The following MACROD2 variants were observed in gnomAD, a reference collection of about 807,000 sequenced individuals.
The protein encoded by MACROD2 is ADP-ribose glycohydrolase MACROD2.
Under a neutral mutation model 70.4 loss-of-function variants are expected in MACROD2, and 36 were observed. The observed-to-expected ratio is 0.51, with a 90% CI of 0.39 to 0.68. The LOEUF is 0.68. MACROD2 is among the 30% of genes least tolerant of loss of function. The probability of loss-of-function intolerance (pLI) is 0.00; values close to 1 mark genes in which losing one functional copy is unlikely to be tolerated. For missense variants in MACROD2, 496 were observed against 538.4 expected, an observed-to-expected ratio of 0.92 and a Z score of 0.78; for synonymous variants, 172 against 178.8, an observed-to-expected ratio of 0.96 and a Z score of 0.30.
Position 15,869,238 on chromosome 20 carries a change from T to TATATATATATATAGAGAGAGAGAGAG in MACROD2, c.727+6413_727+6414insTATATATATATAGAGAGAGAGAGAGA. On this transcript the variant is annotated intron_variant, in intron 9 of 17. Transcript: ENST00000684519. ...ATATATATATATATATATATATATA[T>TATATATATATATAGAGAGAGAGAGAG]AGAGAGAGAGAGAGAGAGAGAGAGA... 7.4e-4 allele frequency among the ~76,000 whole-genome samples: 21 copies of TATATATATATATAGAGAGAGAGAGAG among 28,296 alleles called. 1 individual carries two copies. Among genetic ancestry groups the TATATATATATATAGAGAGAGAGAGAG allele is most frequent in the East Asian group, 1.9e-3 (2 of 1,066 alleles). The allele number at this position is 28,296 out of a possible 152,430, so 18.6% of individuals were successfully genotyped here. A position where few individuals can be genotyped will look rare whatever the true frequency, so the allele number is the denominator to read the frequency against.
In MACROD2 at chr20:15,155,140, A is replaced by C. The variant is rs1601151573; in HGVS notation, c.419-74800A>C. 2.0e-5 allele frequency among the ~76,000 whole-genome samples: 3 copies of C among 152,152 alleles called. No individual in the cohort carries two copies. The East Asian group carries it at 5.8e-4, about 29-fold the overall frequency. On this transcript the variant is annotated intron_variant, in intron 5 of 17. Coordinates refer to ENST00000684519, the MANE Select transcript of MACROD2 (RefSeq NM_001351661.2). ...GGTTATATTAAGAACTCAAAATGGT[A>C]ACTGTTGCTAGTATATAGTGTAGAG...
chr20:14,814,784 A>C (rs2072754454), intron 5 of MACROD2, among the ~76,000 whole-genome samples: 1 of 152,008 alleles, frequency 6.6e-6, no homozygotes, highest in Non-Finnish European at 1.5e-5. Context: ...TAATCAAAGA[A>C]ATAATTGCAG....
intron 5 of MACROD2, among the ~76,000 whole-genome samples, chr20:15,046,018 T>C (rs1333915397): frequency 1.3e-5 from 2 of 152,090 alleles, no homozygotes; most frequent in African/African-American, 2.4e-5. Context: ...TTCTCCTCTC[T>C]GTGGCGTCCT....
chr20:14,272,839 C>T (rs1377640042), intron 3 of MACROD2, among the ~76,000 whole-genome samples: 1 of 152,108 alleles, frequency 6.6e-6, no homozygotes, highest in Non-Finnish European at 1.5e-5. Context: ...GCAGGGGTTG[C>T]AATCCTAGTC....
At chr20:15,796,210 T>C (rs1310922320) in intron 8 of MACROD2, among the ~76,000 whole-genome samples, 1 of 152,232 alleles carries the variant, frequency 6.6e-6, no homozygotes, top group Non-Finnish European at 1.5e-5. Context: ...CCATTTTCCA[T>C]AGTGGTGTTA....
chr20:14,442,270 AAAAC>A (rs1309810719), intron 3 of MACROD2, among the ~76,000 whole-genome samples: 5 of 152,046 alleles, frequency 3.3e-5, no homozygotes, highest in South Asian at 2.1e-4. Context: ...ACTCCATGTC[AAAAC>A]AAACAAACAA....
intron 3 of MACROD2, among the ~76,000 whole-genome samples, chr20:14,104,688 A>G (rs1357718218): frequency 6.6e-6 from 1 of 152,198 alleles, no homozygotes; most frequent in Non-Finnish European, 1.5e-5. Context: ...GGTGACGTAT[A>G]AGCCAGAGCA....
chr20:15,447,202 A>C (rs1246166364), intron 7 of MACROD2, among the ~76,000 whole-genome samples: 1 of 152,086 alleles, frequency 6.6e-6, no homozygotes, highest in Non-Finnish European at 1.5e-5. Flanking sequence ...GAGCATGGGA[A>C]GGTGGTGAAG....
intron 5 of MACROD2, among the ~76,000 whole-genome samples, chr20:15,157,235 C>A (rs1208162948): frequency 4.6e-5 from 7 of 152,026 alleles, no homozygotes; most frequent in Non-Finnish European, 1.0e-4. Context: ...GAGACAGCCT[C>A]CTTCTCTTTG....
intron 6 of MACROD2, among the ~76,000 whole-genome samples, chr20:15,273,987 T>G (rs1482089043): frequency 6.6e-6 from 1 of 152,258 alleles, no homozygotes; most frequent in East Asian, 1.9e-4. Context: ...TAAACAACAG[T>G]AGCTATTATT....
chr20:14,700,522 GGTGTGT>G (rs149689043), intron 5 of MACROD2, among the ~76,000 whole-genome samples: 2,383 of 111,434 alleles, frequency 0.021, 40 homozygotes, highest in Middle Eastern at 0.048. Flanking sequence ...GACATATGGT[GGTGTGT>G]GTGTGTGTGT....
intron 8 of MACROD2, among the ~76,000 whole-genome samples, chr20:15,848,956 T>C (rs1360786479): frequency 6.6e-6 from 1 of 152,202 alleles, no homozygotes. Context: ...GGCATGTTCC[T>C]CTATCTGGCA....
intron 3 of MACROD2, among the ~76,000 whole-genome samples, chr20:14,343,239 TA>T (rs5840609): frequency 9.9e-4 from 145 of 145,828 alleles, no homozygotes; most frequent in Middle Eastern, 7.2e-3. Flanking sequence ...TTTAAAATGT[TA>T]AAAAAAAAAA....
chr20:15,304,553 C>G (rs1421160028), intron 6 of MACROD2, among the ~76,000 whole-genome samples: 1 of 152,134 alleles, frequency 6.6e-6, no homozygotes, highest in East Asian at 1.9e-4. Flanking sequence ...CCCTCCCCAT[C>G]TCTTTCTTCT....
chr20:14,528,800 C>A (rs1301512329), intron 4 of MACROD2, among the ~76,000 whole-genome samples: 2 of 152,052 alleles, frequency 1.3e-5, no homozygotes, highest in Non-Finnish European at 2.9e-5. Flanking sequence ...AATAGAATAA[C>A]CAACACTTAC....
intron 4 of MACROD2, among the ~76,000 whole-genome samples, chr20:14,648,835 T>A (rs943015492): frequency 2.6e-5 from 4 of 152,220 alleles, no homozygotes; most frequent in Non-Finnish European, 5.9e-5. Context: ...TAACCAAGAA[T>A]GTCTTTATTA....
intron 5 of MACROD2, among the ~76,000 whole-genome samples, chr20:15,114,515 C>A (rs745981732): frequency 2.0e-5 from 3 of 152,080 alleles, no homozygotes; most frequent in Non-Finnish European, 4.4e-5. Flanking sequence ...GTCTTAACAA[C>A]CACAAAGGAC....
intron 8 of MACROD2, among the ~76,000 whole-genome samples, chr20:15,651,360 A>G (rs1272309062): frequency 6.6e-6 from 1 of 152,224 alleles, no homozygotes; most frequent in East Asian, 1.9e-4. Context: ...CTAACAAAGG[A>G]TCTTATAGAT....
chr20:15,088,203 G>A (rs1320009309), intron 5 of MACROD2, among the ~76,000 whole-genome samples: 1 of 151,442 alleles, frequency 6.6e-6, no homozygotes, highest in African/African-American at 2.4e-5. Flanking sequence ...GGATCAAAAT[G>A]CAAGAGTGCC....
Sources: gnomAD v4.1 joint callset for allele counts (sites outside exome capture counted in the v4.1 genomes callset) on GRCh38, gnomAD v4.1.1 for gene constraint, MANE v1.5 for transcripts, NCBI Gene and HGNC (gene_info 2026-07-23, HGNC 2026-07-21) for gene names.